Variants in RORB observed in about 807,000 individuals in gnomAD.
RORB encodes the protein nuclear receptor ROR-beta.
Under a neutral mutation model 59.1 loss-of-function variants are expected in RORB, and 6 were observed. The observed-to-expected ratio is 0.10, with a 90% CI of 0.06 to 0.20. The LOEUF is 0.20. RORB is among the 10% of genes least tolerant of loss of function. RORB has a pLI of 1.00. For missense variants in RORB, 320 were observed against 560.5 expected, an observed-to-expected ratio of 0.57 and a Z score of 4.33; for synonymous variants, 215 against 204.5, an observed-to-expected ratio of 1.05 and a Z score of -0.44.
At chr9:74,551,150 G>T (rs990811398) in intron 1 of RORB, among the ~76,000 whole-genome samples, 1 of 152,008 alleles carries the variant, frequency 6.6e-6, no homozygotes, top group Admixed American at 6.6e-5. Flanking sequence ...TCACATTATG[G>T]TATTCCTCAT....
At chr9:74,684,766 G>T (rs1224975089) in intron 9 of RORB, among the ~76,000 whole-genome samples, 1 of 152,142 alleles carries the variant, frequency 6.6e-6, no homozygotes, top group Non-Finnish European at 1.5e-5. Flanking sequence ...TTCATATTAT[G>T]CATTACAGTG....
In RORB at chr9:74,578,287, T is replaced by C. The variant is rs574364748; in HGVS notation, c.8-51995T>C. On this transcript the variant is annotated intron_variant, in intron 1 of 9. Transcript: ENST00000376896. ...GGGGTCTAGAAAGGGGACAAGATACTGATTATATTAGGTCGTTAATGGCTC... is the reference window on the plus strand; with the variant it reads ...GGGGTCTAGAAAGGGGACAAGATACCGATTATATTAGGTCGTTAATGGCTC... Among the ~76,000 whole-genome samples the C allele has an allele frequency of 3.9e-5, 6 of 152,238 alleles. No homozygotes were observed. In the South Asian group the frequency reaches 1.2e-3, roughly 32 times the overall value.
At chr9:74,564,871 G>A (rs1269028684) in intron 1 of RORB, among the ~76,000 whole-genome samples, 3 of 152,206 alleles carry the variant, frequency 2.0e-5, no homozygotes, top group Non-Finnish European at 2.9e-5. Flanking sequence ...GAGGCCAGAA[G>A]CTTAGGCTTG....
intron 1 of RORB, among the ~76,000 whole-genome samples, chr9:74,560,765 T>C (rs1822385613): frequency 6.6e-6 from 1 of 152,064 alleles, no homozygotes; most frequent in African/African-American, 2.4e-5. Context: ...CACAGTTTAT[T>C]TGTAGTTTCA....
intron 2 of RORB, among the ~76,000 whole-genome samples, chr9:74,632,274 CTGT>C (rs1823631613): frequency 6.6e-6 from 1 of 152,126 alleles, no homozygotes; most frequent in Non-Finnish European, 1.5e-5. Flanking sequence ...AGAAATTATG[CTGT>C]TATTATGAAG....
At chr9:74,525,873 T>G (rs548313267) in intron 1 of RORB, among the ~76,000 whole-genome samples, 1 of 152,010 alleles carries the variant, frequency 6.6e-6, no homozygotes, top group East Asian at 1.9e-4. Context: ...TGAGAGACAT[T>G]GAGAAAGCAA....
At chr9:74,563,343 G>A (rs888311674) in intron 1 of RORB, among the ~76,000 whole-genome samples, 1 of 151,828 alleles carries the variant, frequency 6.6e-6, no homozygotes, top group African/African-American at 2.4e-5. Flanking sequence ...CTGCCACCAC[G>A]CCTGACTAAT....
At position 74,517,578 on chromosome 9, in the gene RORB, A is replaced by G. The variant is rs557276709; in HGVS notation, c.7+19595A>G. On this transcript the variant is annotated intron_variant, in intron 1 of 9. Coordinates refer to ENST00000376896, the MANE Select transcript of RORB (RefSeq NM_006914.4). ...AACAAACTTATATTTGAATCTGGAA[A>G]TAGAAATATTTTCTTACCAGACATT... is the stretch of plus-strand genomic sequence containing the variant. Among the ~76,000 whole-genome samples the G allele has an allele frequency of 2.6e-4, 39 of 152,210 alleles. 1 individual carries two copies. The highest frequency in any genetic ancestry group is 9.1e-4 in the African/African-American group (38 of 41,568).
At chr9:74,553,832 G>A (rs2031197) in intron 1 of RORB, among the ~76,000 whole-genome samples, 88,270 of 152,034 alleles carry the variant, frequency 0.58, 26,511 homozygotes, top group African/African-American at 0.72. Flanking sequence ...TATGGAGCCA[G>A]TTTTAGTTTT....
intron 1 of RORB, among the ~76,000 whole-genome samples, chr9:74,628,397 G>T (rs959456602): frequency 1.3e-5 from 2 of 152,084 alleles, no homozygotes; most frequent in African/African-American, 4.8e-5. Flanking sequence ...GTCAGAGAAT[G>T]GTTACTGAAT....
chr9:74,679,278 G>T (rs1824501928), intron 9 of RORB, among the ~76,000 whole-genome samples: 1 of 152,006 alleles, frequency 6.6e-6, no homozygotes, highest in African/African-American at 2.4e-5. Context: ...ACTTTAAAAT[G>T]TCTATACTTT....
At chr9:74,652,532 AT>A (rs931993926) in intron 4 of RORB, among the ~76,000 whole-genome samples, 5 of 151,922 alleles carry the variant, frequency 3.3e-5, no homozygotes, top group East Asian at 1.9e-4. Context: ...TGATTTTTTA[AT>A]TTTTTTTCCA....
At chr9:74,505,710 C>T (rs1418795648) in intron 1 of RORB, among the ~76,000 whole-genome samples, 1 of 151,962 alleles carries the variant, frequency 6.6e-6, no homozygotes, top group East Asian at 1.9e-4. Flanking sequence ...AAATGAGGTC[C>T]ATTAAATTAC....
intron 1 of RORB, among the ~76,000 whole-genome samples, chr9:74,613,815 A>C (rs1587385581): frequency 6.6e-6 from 1 of 152,204 alleles, no homozygotes; most frequent in Non-Finnish European, 1.5e-5. Flanking sequence ...GAATAAAAGG[A>C]GGATTAACAA....
chr9:74,528,744 T>C (rs1187207217), intron 1 of RORB, among the ~76,000 whole-genome samples: 2 of 152,036 alleles, frequency 1.3e-5, no homozygotes, highest in Non-Finnish European at 2.9e-5. Flanking sequence ...GGTGCTATTC[T>C]ATGTCCTATG....
chr9:74,604,558 C>A (rs1339253853), intron 1 of RORB, among the ~76,000 whole-genome samples: 1 of 152,066 alleles, frequency 6.6e-6, no homozygotes, highest in African/African-American at 2.4e-5. Context: ...ATTCTTTAGC[C>A]GTTGGGATAC....
chr9:74,546,565 A>T (rs75221909), intron 1 of RORB, among the ~76,000 whole-genome samples: 88 of 152,340 alleles, frequency 5.8e-4, no homozygotes, highest in African/African-American at 2.1e-3. Context: ...AGAAAAAGCC[A>T]TTGGCTTTGA....
chr9:74,676,635 C>T (rs1449989178), intron 9 of RORB, among the ~76,000 whole-genome samples: 1 of 152,260 alleles, frequency 6.6e-6, no homozygotes, highest in Non-Finnish European at 1.5e-5. Context: ...TAGCTCTATG[C>T]TGATAAATCC....
chr9:74,683,073 G>A (rs1434974389), intron 9 of RORB, among the ~76,000 whole-genome samples: 1 of 152,154 alleles, frequency 6.6e-6, no homozygotes, highest in Non-Finnish European at 1.5e-5. Flanking sequence ...GTAGGTCCCA[G>A]TAATCTGCAT....
Sources: gnomAD v4.1 joint callset for allele counts (sites outside exome capture counted in the v4.1 genomes callset) on GRCh38, gnomAD v4.1.1 for gene constraint, MANE v1.5 for transcripts, NCBI Gene and HGNC (gene_info 2026-07-23, HGNC 2026-07-21) for gene names.